TMEM50A: variants seen among roughly 807,000 people sequenced by gnomAD.
TMEM50A encodes cervical cancer oncogene 9.
A neutral mutation model predicts 23.9 loss-of-function variants in TMEM50A; 8 were observed. The observed-to-expected ratio is 0.33, with a 90% confidence interval of 0.20 to 0.60. The LOEUF (loss-of-function observed/expected upper bound fraction) is 0.60. TMEM50A is among the 20% of genes least tolerant of loss of function. The pLI is 0.81. For missense variants in TMEM50A, 178 were observed against 192.7 expected (o/e 0.92, Z 0.45); for synonymous variants, 55 against 60.4 (o/e 0.91, Z 0.41).
chr1:25,349,472 T>C (rs1358775098), intron 3 of TMEM50A, among the ~76,000 whole-genome samples: 2 of 152,230 alleles, frequency 1.3e-5, no homozygotes, highest in Non-Finnish European at 2.9e-5. Flanking sequence ...TGAAACCTGT[T>C]TTTAATGTAT....
rs567059491 is a variant in TMEM50A, at chr1:25,361,698, T to C, written c.*993T>C. 75 of 152,592 alleles carry C rather than the reference T, an allele frequency of 4.9e-4. No homozygotes were observed. Among genetic ancestry groups the C allele is most frequent in the Non-Finnish European group, 8.6e-4 (59 of 68,240 alleles). The allele number at this position is 152,592 out of a possible 1,614,324, so 9.5% of individuals were successfully genotyped here. A position where few individuals can be genotyped will look rare whatever the true frequency, so the allele number is the denominator to read the frequency against. On this transcript the variant is annotated 3_prime_UTR_variant, in exon 7 of 7. Coordinates refer to ENST00000374358, the MANE Select transcript of TMEM50A (RefSeq NM_014313.4). ...TTGAAATGTCTTTCATAAAATGTGC[T>C]ACAATTAGCCTTCGGAATATTTGCT...
chr1:25,357,275 G>C (rs967331030), intron 6 of TMEM50A, among the ~76,000 whole-genome samples: 1 of 152,038 alleles, frequency 6.6e-6, no homozygotes, highest in Non-Finnish European at 1.5e-5. Context: ...GAGATTTGAG[G>C]TGTGGAGGAA....
chr1:25,341,024 G>T (rs1374170806), intron 2 of TMEM50A, among the ~76,000 whole-genome samples: 1 of 152,072 alleles, frequency 6.6e-6, no homozygotes, highest in Non-Finnish European at 1.5e-5. Context: ...GAGAAGATTA[G>T]CATGGCCCCT....
At chr1:25,343,197 A>G in intron 3 of TMEM50A, 124 bp downstream of exon 3, 1 of 709,462 alleles carries the variant, frequency 1.4e-6, no homozygotes, top group South Asian at 2.0e-5. Context: ...ATGATTTAAA[A>G]GTCACACAGT....
In TMEM50A at chr1:25,356,876, ATGTT is replaced by A. The variant is rs535546277; in HGVS notation, c.428+33_428+36del. On this transcript the variant is annotated intron_variant, in intron 6 of 6. Coordinates refer to ENST00000374358, the MANE Select transcript of TMEM50A (RefSeq NM_014313.4). Reference sequence around the variant, plus strand: ...TGGGTAAGTTTGTTTTGCATTCTTTATGTTTGTTTGTTTTTTTTTAAAATAGCTT... The same window carrying A: ...TGGGTAAGTTTGTTTTGCATTCTTTATGTTTGTTTTTTTTTAAAATAGCTT... The A allele has an allele frequency of 8.9e-4, 1,379 of 1,546,676 alleles. 7 individuals are homozygous for A. The African/African-American group carries it at 0.012, about 13-fold the overall frequency.
intron 6 of TMEM50A, among the ~76,000 whole-genome samples, chr1:25,360,281 A>G (rs1333953313): frequency 6.6e-6 from 1 of 151,618 alleles, no homozygotes; most frequent in Non-Finnish European, 1.5e-5. Context: ...CCCGGGAGGC[A>G]GAGCTTGCAG....
intron 3 of TMEM50A, 122 bp from the exon 4 acceptor site, chr1:25,351,504 G>C (rs915698942): frequency 1.5e-6 from 1 of 679,506 alleles, no homozygotes; most frequent in Admixed American, 5.1e-5. Context: ...GTGAGACCCT[G>C]TATCTTTAAA....
chr1:25,340,588 CATTG>C lies in TMEM50A; in HGVS notation c.93+13_93+16del. The C allele has an allele frequency of 1.2e-6, 2 of 1,606,030 alleles. No homozygotes were observed. Among genetic ancestry groups the C allele is most frequent in the South Asian group, 2.2e-5 (2 of 89,364 alleles). ...TTGCTGCTGGTGTACTAGTAAGTGT[CATTG>C]ATTATTTGGGCCTTATTTTTTGGTG... On this transcript the variant is annotated intron_variant, in intron 2 of 6. Transcript: ENST00000374358.
chr1:25,338,489 G>C (rs1645125266), intron 1 of TMEM50A, 33 bp downstream of exon 1: 1 of 152,444 alleles, frequency 6.6e-6, no homozygotes, highest in Admixed American at 6.5e-5. Flanking sequence ...GGGTAAGAGA[G>C]TAGCGGCCGC....
At chr1:25,356,748 T>A (rs1214004509) in intron 5 of TMEM50A, 45 bp from the exon 6 acceptor site, 6 of 1,387,514 alleles carry the variant, frequency 4.3e-6, no homozygotes, top group Non-Finnish European at 5.0e-6. Flanking sequence ...TGAAACTAAA[T>A]GTTTTGAGAT....
intron 1 of TMEM50A, among the ~76,000 whole-genome samples, chr1:25,340,000 G>C (rs768642248): frequency 1.3e-5 from 2 of 152,064 alleles, no homozygotes; most frequent in African/African-American, 2.4e-5. Flanking sequence ...GCAGTGGCAC[G>C]ATCTCGGCTC....
At chr1:25,348,771 A>G (rs1056519213) in intron 3 of TMEM50A, among the ~76,000 whole-genome samples, 4 of 152,072 alleles carry the variant, frequency 2.6e-5, no homozygotes, top group African/African-American at 9.7e-5. Context: ...CAGATATTCT[A>G]CCAGTGTTCT....
chr1:25,351,838 C>G, intron 4 of TMEM50A, 145 bp downstream of exon 4: 2 of 713,316 alleles, frequency 2.8e-6, no homozygotes. Context: ...ATGTTTTGGG[C>G]TTGAAATTGG....
chr1:25,346,639 A>G (rs1645220990), intron 3 of TMEM50A, among the ~76,000 whole-genome samples: 1 of 152,076 alleles, frequency 6.6e-6, no homozygotes, highest in African/African-American at 2.4e-5. Context: ...GTCTCAAGTG[A>G]TTCTCCTGCC....
chr1:25,358,250 A>G (rs116399190), intron 6 of TMEM50A, among the ~76,000 whole-genome samples: 1,703 of 152,234 alleles, frequency 0.011, 36 homozygotes, highest in African/African-American at 0.038. Context: ...CCTGGCCAAG[A>G]GTTCTTAACC....
chr1:25,348,722 C>T (rs914083088), intron 3 of TMEM50A, among the ~76,000 whole-genome samples: 4 of 151,018 alleles, frequency 2.6e-5, no homozygotes, highest in African/African-American at 9.7e-5. Flanking sequence ...TAAGCAAAAA[C>T]GAAGTTGCCT....
intron 2 of TMEM50A, chr1:25,342,637 T>C (rs917883743): frequency 6.0e-6 from 1 of 167,160 alleles, no homozygotes; most frequent in South Asian, 1.6e-4. Flanking sequence ...CTTCTGTCAG[T>C]TGGAATTGGA....
intron 6 of TMEM50A, 42 bp from the exon 7 acceptor site, chr1:25,360,618 C>T (rs1452445392): frequency 6.2e-7 from 1 of 1,608,874 alleles, no homozygotes; most frequent in East Asian, 2.2e-5. Flanking sequence ...ACTCTTTTCT[C>T]AAATTCAGGG....
chr1:25,353,146 T>C (rs367900915), intron 5 of TMEM50A, among the ~76,000 whole-genome samples, 172 bp downstream of exon 5: 30 of 152,356 alleles, frequency 2.0e-4, no homozygotes, highest in African/African-American at 7.2e-4. Flanking sequence ...CTTTGTCTTA[T>C]ATATTTTTAG....
Sources: allele counts gnomAD v4.1 joint callset (sites outside exome capture counted in the v4.1 genomes callset), GRCh38; gene constraint gnomAD v4.1.1; transcripts MANE v1.5; gene names NCBI Gene and HGNC (gene_info 2026-07-23, HGNC 2026-07-21).